Variants in TM7SF3 observed in about 807,000 individuals in gnomAD.
TM7SF3 encodes the protein transmembrane 7 superfamily member 3.
Under a neutral mutation model 65.5 loss-of-function variants are expected in TM7SF3, and 60 were observed. The ratio of observed to expected loss-of-function variants is 0.92; its 90% confidence interval spans 0.74 to 1.14. The LOEUF is 1.14. Ranked by LOEUF, TM7SF3 falls within the 50% of genes most tolerant of loss-of-function variation. TM7SF3 has a pLI of 0.00. For missense variants in TM7SF3, 623 were observed against 684.8 expected (o/e 0.91, Z 1.01); for synonymous variants, 264 against 259.6 (o/e 1.02, Z -0.16).
chr12:26,995,768 A>G (rs1295046944), intron 4 of TM7SF3, among the ~76,000 whole-genome samples: 1 of 152,182 alleles, frequency 6.6e-6, no homozygotes, highest in African/African-American at 2.4e-5. Flanking sequence ...GTGTGGACAC[A>G]ATGACAACCC....
At chr12:26,974,251 A>T in intron 11 of TM7SF3, 24 bp from the exon 12 acceptor site, 1 of 1,604,354 alleles carries the variant, frequency 6.2e-7, no homozygotes. Context: ...GAAAAAGTAC[A>T]GTTTGAACTC....
At chr12:26,988,365 T>C (rs1415285082) in intron 6 of TM7SF3, among the ~76,000 whole-genome samples, 1 of 152,196 alleles carries the variant, frequency 6.6e-6, no homozygotes, top group Non-Finnish European at 1.5e-5. Context: ...AGTTTCGCCA[T>C]GTTGCCCAGG....
chr12:27,007,006 AC>A (rs1250496328), intron 1 of TM7SF3, among the ~76,000 whole-genome samples: 35 of 152,348 alleles, frequency 2.3e-4, no homozygotes, highest in Admixed American at 1.4e-3. Flanking sequence ...TGACAGTGTA[AC>A]AGATGACCTT....
chr12:26,998,535 A>C (rs1436985859), intron 3 of TM7SF3, among the ~76,000 whole-genome samples: 2 of 152,072 alleles, frequency 1.3e-5, no homozygotes, highest in Non-Finnish European at 2.9e-5. Flanking sequence ...ATTTTGTATC[A>C]CTATTTCCCT....
intron 9 of TM7SF3, chr12:26,978,916 A>G (rs1397526538): frequency 3.9e-5 from 6 of 152,102 alleles, no homozygotes; most frequent in Admixed American, 3.9e-4. Flanking sequence ...TGTAGGGTAG[A>G]GCCTTGAATC....
rs374948781 is a variant in TM7SF3, at chr12:26,975,671, G to A, written c.1288-13C>T. 20 of 1,613,174 alleles carry A rather than the reference G, an allele frequency of 1.2e-5. No individual in the cohort carries two copies. The highest frequency in any genetic ancestry group is 2.2e-5 in the East Asian group (1 of 44,878). ...TCAGTATGTTCAGCTGTGGAAGAGT[G>A]GAAGAGTTTAGGCATCATCCATGTT... On this transcript the variant is annotated splice_polypyrimidine_tract_variant and intron_variant, in intron 10 of 11. Coordinates refer to ENST00000343028, the MANE Select transcript of TM7SF3 (RefSeq NM_016551.3).
chr12:26,989,131 T>C lies in TM7SF3; in HGVS notation c.868+1319A>G, dbSNP rs1474999788. Reference sequence around the variant, plus strand: ...ACACTAGGCTAATAGTAGTTAATTTTGGGGAAGTCAAAGTTATACACGGGT... The same window carrying C: ...ACACTAGGCTAATAGTAGTTAATTTCGGGGAAGTCAAAGTTATACACGGGT... On this transcript the variant is annotated intron_variant, in intron 6 of 11. Coordinates refer to ENST00000343028, the MANE Select transcript of TM7SF3 (RefSeq NM_016551.3). Among the ~76,000 whole-genome samples the C allele has an allele frequency of 2.6e-5, 4 of 152,208 alleles. No homozygotes were observed. The South Asian group carries it at 6.2e-4, about 24-fold the overall frequency.
intron 5 of TM7SF3, 52 bp from the exon 6 acceptor site, chr12:26,990,679 T>G: frequency 1.4e-6 from 2 of 1,439,032 alleles, no homozygotes; most frequent in South Asian, 2.4e-5. Flanking sequence ...TTTTAAGCTA[T>G]TCTGTGATAA....
intron 9 of TM7SF3, chr12:26,979,466 C>T (rs1039927389): frequency 2.7e-5 from 7 of 261,250 alleles, no homozygotes; most frequent in African/African-American, 6.7e-5. Context: ...CCAGGTTCCC[C>T]GACTCAGCTG....
chr12:26,985,136 A>G (rs1939988013), intron 6 of TM7SF3, among the ~76,000 whole-genome samples: 2 of 152,198 alleles, frequency 1.3e-5, no homozygotes, highest in South Asian at 4.1e-4. Context: ...TCTATTTAGA[A>G]GGGGCTTTTG....
chr12:26,989,610 A>C (rs914996675), intron 6 of TM7SF3, among the ~76,000 whole-genome samples: 1 of 152,060 alleles, frequency 6.6e-6, no homozygotes, highest in African/African-American at 2.4e-5. Flanking sequence ...TTATACAGAA[A>C]TTCTTTATAC....
chr12:27,008,105 CTCA>C (rs1371324758), intron 1 of TM7SF3, among the ~76,000 whole-genome samples: 1 of 151,738 alleles, frequency 6.6e-6, no homozygotes, highest in Non-Finnish European at 1.5e-5. Context: ...ATAGGGTATT[CTCA>C]TCTTCAGTAG....
chr12:26,973,887 A>G lies in TM7SF3; in HGVS notation c.*78T>C. The stretch of plus-strand genomic sequence containing the variant: ...AGATATATATGCCTGATCTCTTATT[A>G]GACTTGCACCAGAGACTGTTGAACC... On this transcript the variant is annotated 3_prime_UTR_variant, in exon 12 of 12. Transcript: ENST00000343028. 1 of 1,527,776 alleles carries G rather than the reference A, an allele frequency of 6.5e-7. No homozygotes were observed. Among genetic ancestry groups the G allele is most frequent in the Non-Finnish European group, 8.8e-7 (1 of 1,136,764 alleles). 94.6% of individuals were successfully genotyped at this position (1,527,776 alleles called of 1,614,324 possible). A position where few individuals can be genotyped will look rare whatever the true frequency, so the allele number is the denominator to read the frequency against.
At chr12:27,006,958 G>A (rs1183078762) in intron 1 of TM7SF3, among the ~76,000 whole-genome samples, 1 of 152,208 alleles carries the variant, frequency 6.6e-6, no homozygotes, top group Admixed American at 6.5e-5. Context: ...GAAAGCGTAT[G>A]TGTCAGGCAA....
rs756132461 is a variant in TM7SF3, at chr12:26,975,514, C to T, written c.1432G>A (p.Val478Met). 3.7e-6 allele frequency: 6 copies of T among 1,613,970 alleles called. No homozygotes were observed. The highest frequency in any genetic ancestry group is 2.2e-5 in the East Asian group (1 of 44,894). ...GTCTTACCATTAGTTTGAAAAGGCA[C>T]ATTTGTGAAAGCTCTGTGGAAATCC... Reference protein sequence around the residue: ...NKDFHRAFTNVPFQTNDFIIL... With the variant: ...NKDFHRAFTNMPFQTNDFIIL... Residue 478 changes from valine to methionine, a missense_variant, in exon 11 of 12, where the codon GTG becomes ATG. Physicochemically the swap from Val to Met is conservative, Grantham distance 21. Coordinates refer to ENST00000343028, the MANE Select transcript of TM7SF3 (RefSeq NM_016551.3).
chr12:26,988,672 T>C (rs1359476311), intron 6 of TM7SF3, among the ~76,000 whole-genome samples: 2 of 146,228 alleles, frequency 1.4e-5, no homozygotes, highest in Non-Finnish European at 3.0e-5. Flanking sequence ...GAGAAGAAAA[T>C]TGTGTGTGTG....
chr12:26,992,905 C>CTTTTTT (rs1202323508), intron 5 of TM7SF3, among the ~76,000 whole-genome samples: 2 of 110,008 alleles, frequency 1.8e-5, no homozygotes, highest in Non-Finnish European at 3.7e-5. Context: ...TCCCTAATGT[C>CTTTTTT]TTTTTTTTTT....
intron 2 of TM7SF3, 33 bp from the exon 3 acceptor site, chr12:26,999,709 G>T (rs1163024899): frequency 6.2e-7 from 1 of 1,610,692 alleles, no homozygotes; most frequent in African/African-American, 1.3e-5. Flanking sequence ...TCATGAATAG[G>T]AAGTCGACCA....
intron 6 of TM7SF3, among the ~76,000 whole-genome samples, chr12:26,984,881 C>T (rs1003416149): frequency 3.3e-5 from 5 of 152,182 alleles, no homozygotes; most frequent in Non-Finnish European, 7.3e-5. Context: ...GTTAAAGTGT[C>T]TTTAACTATG....
Sources: allele counts gnomAD v4.1 joint callset (sites outside exome capture counted in the v4.1 genomes callset), GRCh38; gene constraint gnomAD v4.1.1; transcripts MANE v1.5; gene names NCBI Gene and HGNC (gene_info 2026-07-23, HGNC 2026-07-21).